RBFOX1: variants seen among roughly 807,000 people sequenced by gnomAD.
RBFOX1 encodes RNA binding fox-1 homolog 1.
RBFOX1 carries 8 observed loss-of-function variants against 57.7 expected under a neutral mutation model. That is an observed-to-expected ratio of 0.14 (90% CI 0.08 to 0.25). RBFOX1 has a LOEUF of 0.25. Among genes scored for constraint, RBFOX1 ranks in the 10% least tolerant of loss-of-function variants. RBFOX1 has a pLI of 1.00. For missense variants in RBFOX1, 611 were observed against 548.5 expected, an observed-to-expected ratio of 1.11 and a Z score of -1.14; for synonymous variants, 326 against 222.4, an observed-to-expected ratio of 1.47 and a Z score of -4.15.
intron 4 of RBFOX1, among the ~76,000 whole-genome samples, chr16:7,062,548 A>G (rs1016032131): frequency 2.6e-5 from 4 of 151,998 alleles, no homozygotes; most frequent in African/African-American, 4.8e-5. Context: ...TTATTATTCT[A>G]TTTGGGTTAA....
intron 3 of RBFOX1, among the ~76,000 whole-genome samples, chr16:6,794,060 A>C (rs1603624753): frequency 6.6e-6 from 1 of 152,102 alleles, no homozygotes; most frequent in South Asian, 2.1e-4. Flanking sequence ...AGGAGTCAAC[A>C]TACTGCCCAA....
chr16:7,620,706 G>C (rs1442610089), intron 10 of RBFOX1, among the ~76,000 whole-genome samples: 1 of 152,192 alleles, frequency 6.6e-6, no homozygotes, highest in Non-Finnish European at 1.5e-5. Context: ...TTCTCATGCT[G>C]AAGGATATGT....
chr16:6,892,182 A>G (rs945031281), intron 3 of RBFOX1, among the ~76,000 whole-genome samples: 2 of 152,078 alleles, frequency 1.3e-5, no homozygotes, highest in Admixed American at 6.6e-5. Flanking sequence ...TGGCGATTTT[A>G]TGCAAAGTTA....
intron 2 of RBFOX1, among the ~76,000 whole-genome samples, chr16:5,514,984 G>C (rs2043737438): frequency 2.0e-5 from 3 of 152,132 alleles, no homozygotes; most frequent in Admixed American, 2.0e-4. Context: ...ACTCATGGTG[G>C]AAGGTGAAGG....
At position 5,909,614 on chromosome 16, in the gene RBFOX1, G is replaced by C. The variant is rs371733414; in HGVS notation, c.351+42279G>C. Among the ~76,000 whole-genome samples the C allele has an allele frequency of 4.6e-5, 7 of 152,284 alleles. No individual in the cohort carries two copies. The East Asian group carries it at 7.8e-4, about 17-fold the overall frequency. On this transcript the variant is annotated intron_variant, in intron 4 of 19. Coordinates refer to the RBFOX1 transcript ENST00000641259. ...TGAGTATAAGTGAAGCCACTGGAGA[G>C]CCTAACTCTGTAGCCTCCCTCCTGG...
At chr16:5,701,802 G>A (rs1214198666) in intron 3 of RBFOX1, among the ~76,000 whole-genome samples, 2 of 152,174 alleles carry the variant, frequency 1.3e-5, no homozygotes, top group African/African-American at 4.8e-5. Context: ...TGAAAAATAG[G>A]TCATCTGGAC....
intron 1 of RBFOX1, among the ~76,000 whole-genome samples, chr16:6,096,928 G>T (rs755911976): frequency 6.6e-6 from 1 of 152,032 alleles, no homozygotes; most frequent in Non-Finnish European, 1.5e-5. Flanking sequence ...TTTTAATGAC[G>T]GCTCACCCCT....
At chr16:7,466,894 G>C (rs975765720) in intron 4 of RBFOX1, among the ~76,000 whole-genome samples, 1 of 152,128 alleles carries the variant, frequency 6.6e-6, no homozygotes, top group African/African-American at 2.4e-5. Context: ...ACCAGGAATG[G>C]TCTCTATGAA....
At chr16:6,337,750 A>G (rs2083971570) in intron 2 of RBFOX1, among the ~76,000 whole-genome samples, 1 of 152,234 alleles carries the variant, frequency 6.6e-6, no homozygotes, top group African/African-American at 2.4e-5. Flanking sequence ...AAATAAAAGT[A>G]TTAAAGTGAC....
At chr16:6,262,205 C>T (rs2097705732) in intron 1 of RBFOX1, among the ~76,000 whole-genome samples, 2 of 152,086 alleles carry the variant, frequency 1.3e-5, no homozygotes, top group South Asian at 4.1e-4. Context: ...TGATTTCGGC[C>T]ATCATACCCT....
chr16:6,698,184 A>T (rs933554976), intron 3 of RBFOX1, among the ~76,000 whole-genome samples: 2 of 152,180 alleles, frequency 1.3e-5, no homozygotes, highest in East Asian at 1.9e-4. Flanking sequence ...TTAAAATTTT[A>T]CTTTCCCTCG....
intron 3 of RBFOX1, among the ~76,000 whole-genome samples, chr16:5,612,444 G>A (rs754168727): frequency 3.3e-5 from 5 of 149,508 alleles, no homozygotes; most frequent in Non-Finnish European, 5.9e-5. Flanking sequence ...CCCTCTGTGG[G>A]TCTACAGTTT....
chr16:6,714,472 C>G (rs6500813), intron 3 of RBFOX1, among the ~76,000 whole-genome samples: 1 of 151,842 alleles, frequency 6.6e-6, no homozygotes, highest in African/African-American at 2.4e-5. Flanking sequence ...ATCCTTGGAA[C>G]CAACGTACAC....
intron 1 of RBFOX1, chr16:6,038,576 A>C (rs983189982): frequency 6.9e-6 from 1 of 144,852 alleles, no homozygotes; most frequent in Non-Finnish European, 1.5e-5. Flanking sequence ...TATCATCCAT[A>C]TATATATATA....
In RBFOX1 at chr16:7,416,243, C is replaced by T. The variant is rs1159553187; in HGVS notation, c.28-101904C>T. ...TGTGCCAAGGAAACAGATATTATTTCTCCCCTCGCTCTCCCTTTCTGTGTC... is the reference window on the plus strand; with the variant it reads ...TGTGCCAAGGAAACAGATATTATTTTTCCCCTCGCTCTCCCTTTCTGTGTC... On this transcript the variant is annotated intron_variant, in intron 4 of 15. Transcript: ENST00000550418. 2.6e-5 allele frequency among the ~76,000 whole-genome samples: 4 copies of T among 152,318 alleles called. No homozygotes were observed. In the South Asian group the frequency reaches 6.2e-4, roughly 24 times the overall value.
chr16:7,493,965 C>T (rs189012716), intron 4 of RBFOX1, among the ~76,000 whole-genome samples: 45 of 152,242 alleles, frequency 3.0e-4, no homozygotes, highest in East Asian at 1.9e-4. Flanking sequence ...AAAACAATTT[C>T]TTAGTTATTT....
chr16:7,684,421 T>G (rs2075607562), intron 14 of RBFOX1, among the ~76,000 whole-genome samples: 1 of 152,154 alleles, frequency 6.6e-6, no homozygotes, highest in South Asian at 2.1e-4. Context: ...TTTTCCAAGC[T>G]AATTATTGAT....
At chr16:5,293,612 T>C (rs1172143681) in intron 1 of RBFOX1, among the ~76,000 whole-genome samples, 1 of 152,192 alleles carries the variant, frequency 6.6e-6, no homozygotes, top group African/African-American at 2.4e-5. Context: ...TGTTTATTCA[T>C]TCATCAACCA....
chr16:5,674,914 A>G (rs930945181), intron 3 of RBFOX1, among the ~76,000 whole-genome samples: 1 of 152,158 alleles, frequency 6.6e-6, no homozygotes, highest in Admixed American at 6.5e-5. Flanking sequence ...TGGAAGGCTG[A>G]GGCAGGAGGA....
Sources: gnomAD v4.1 joint callset for allele counts (sites outside exome capture counted in the v4.1 genomes callset) on GRCh38, gnomAD v4.1.1 for gene constraint, MANE v1.5 for transcripts, NCBI Gene and HGNC (gene_info 2026-07-23, HGNC 2026-07-21) for gene names.